The following MRPL39 variants were observed in gnomAD, a reference collection of about 807,000 sequenced individuals.
The protein encoded by MRPL39 is large ribosomal subunit protein mL39.
A neutral mutation model predicts 44.5 loss-of-function variants in MRPL39; 35 were observed. The ratio of observed to expected loss-of-function variants is 0.79; its 90% CI spans 0.60 to 1.04. The LOEUF is 1.04. Ranked by LOEUF, MRPL39 falls within the 50% of genes least tolerant of loss-of-function variation. MRPL39 has a pLI of 0.00. For synonymous variants in MRPL39, 139 were observed against 136.1 expected, an observed-to-expected ratio of 1.02 and a Z score of -0.15; for missense variants, 433 against 413.5, an observed-to-expected ratio of 1.05 and a Z score of -0.41.
At chr21:25,606,686 T>A (rs1179796972) in intron 1 of MRPL39, 31 bp from the exon 2 acceptor site, 21 of 1,548,322 alleles carry the variant, frequency 1.4e-5, no homozygotes, top group Admixed American at 1.8e-5. Context: ...ATATGAAGAC[T>A]GAAAAAATGA....
At chr21:25,592,765 A>C (rs370819440) in intron 8 of MRPL39, 47 bp downstream of exon 8, 22 of 1,421,690 alleles carry the variant, frequency 1.5e-5, no homozygotes, top group Non-Finnish European at 5.7e-6. Context: ...GTCCGGAATT[A>C]TATCTATACC....
At chr21:25,604,078 A>C (rs2031598381) in intron 2 of MRPL39, 143 bp from the exon 3 acceptor site, 1 of 730,176 alleles carries the variant, frequency 1.4e-6, no homozygotes, top group Non-Finnish European at 2.1e-6. Flanking sequence ...TATTACGTCT[A>C]TAATCAATTA....
At chr21:25,604,060 A>G (rs1201152799) in intron 2 of MRPL39, 125 bp from the exon 3 acceptor site, 6 of 904,966 alleles carry the variant, frequency 6.6e-6, no homozygotes, top group Non-Finnish European at 9.9e-6. Context: ...TTTTAGAGAA[A>G]AAAAGTATAT....
intron 8 of MRPL39, among the ~76,000 whole-genome samples, chr21:25,592,078 C>T (rs1441634010): frequency 1.3e-5 from 2 of 152,128 alleles, no homozygotes; most frequent in Admixed American, 6.5e-5. Flanking sequence ...AATTACATAC[C>T]GTTTGATCCC....
intron 3 of MRPL39, among the ~76,000 whole-genome samples, chr21:25,603,331 T>G (rs2031573952): frequency 6.6e-6 from 1 of 152,152 alleles, no homozygotes; most frequent in Admixed American, 6.5e-5. Flanking sequence ...GGTAGGCAAG[T>G]TCTTTAGGTT....
At position 25,597,354 on chromosome 21, in the gene MRPL39, C is replaced by G. The variant is rs372389939; in HGVS notation, c.649G>C (p.Glu217Gln). ...HALIYKDLPF[E>Q]TLEVEAKVAL... is the part of the protein sequence containing the mutation. ...ACTTTTGCTTCAACTTCCAGAGTTT[C>G]AAATGGAAGATCTTTATAAATTAAA... The change falls in exon 6 of 10, where the codon GAA becomes CAA. Residue 217 changes from glutamate (E) to glutamine (Q), a missense_variant. Physicochemically the swap from Glu to Gln is conservative, Grantham distance 29 (BLOSUM62 2). Coordinates refer to ENST00000352957, the MANE Select transcript of MRPL39 (RefSeq NM_017446.4). 1.2e-5 allele frequency: 20 copies of G among 1,603,998 alleles called. No homozygotes were observed. The highest frequency in any genetic ancestry group is 1.7e-5 in the Non-Finnish European group (20 of 1,174,178).
chr21:25,605,560 A>G (rs756401757), intron 2 of MRPL39, among the ~76,000 whole-genome samples: 6 of 152,214 alleles, frequency 3.9e-5, no homozygotes, highest in Admixed American at 6.5e-5. Flanking sequence ...ATCTGAGGCC[A>G]TGGCAATCCC....
chr21:25,591,396 AAG>A (rs1441512868), intron 8 of MRPL39, among the ~76,000 whole-genome samples: 1 of 152,174 alleles, frequency 6.6e-6, no homozygotes, highest in African/African-American at 2.4e-5. Context: ...CAGACAGAAA[AAG>A]AGAGAAATCT....
chr21:25,592,548 T>C (rs1537088), intron 8 of MRPL39, among the ~76,000 whole-genome samples: 15,759 of 152,116 alleles, frequency 0.1, 1,307 homozygotes, highest in African/African-American at 0.22. Flanking sequence ...TAATACCCCC[T>C]CTGTCAATGT....
chr21:25,594,612 A>C (rs528831695), intron 6 of MRPL39, among the ~76,000 whole-genome samples: 2 of 150,506 alleles, frequency 1.3e-5, no homozygotes, highest in East Asian at 3.9e-4. Context: ...ATCTCTGGCC[A>C]CTCCTGTCTT....
intron 9 of MRPL39, among the ~76,000 whole-genome samples, chr21:25,586,224 C>T (rs1341195343): frequency 6.6e-6 from 1 of 152,152 alleles, no homozygotes; most frequent in African/African-American, 2.4e-5. Context: ...CTGAATTCAA[C>T]ACCCCAAAAC....
intron 4 of MRPL39, among the ~76,000 whole-genome samples, chr21:25,600,253 G>A (rs921672105): frequency 3.3e-5 from 5 of 151,736 alleles, no homozygotes; most frequent in Admixed American, 6.6e-5. Flanking sequence ...AAAATTAGCC[G>A]GGCTTGGTGG....
At chr21:25,607,764 C>T (rs1033916987), upstream of MRPL39, among the ~76,000 whole-genome samples, 1 of 152,100 alleles carries the variant, frequency 6.6e-6, no homozygotes, top group African/African-American at 2.4e-5. Context: ...TGCAGGGAAA[C>T]AGAGTTCCAC....
intron 1 of MRPL39, among the ~76,000 whole-genome samples, chr21:25,606,952 C>T (rs563834014): frequency 6.6e-6 from 1 of 152,286 alleles, no homozygotes; most frequent in South Asian, 2.1e-4. Context: ...ACAAAGTGGT[C>T]GGTTTGACAG....
intron 6 of MRPL39, among the ~76,000 whole-genome samples, chr21:25,594,370 G>T (rs890535433): frequency 6.7e-6 from 1 of 150,054 alleles, no homozygotes; most frequent in Non-Finnish European, 1.5e-5. Context: ...TCCTGCCTCA[G>T]CCACCCAAGT....
At chr21:25,600,360 C>T (rs549436104) in intron 4 of MRPL39, among the ~76,000 whole-genome samples, 284 of 140,940 alleles carry the variant, frequency 2.0e-3, no homozygotes, top group African/African-American at 7.1e-3. Flanking sequence ...CGCGCCACTG[C>T]ACTCCAGCCT....
At chr21:25,596,158 G>A (rs917239919) in intron 6 of MRPL39, among the ~76,000 whole-genome samples, 2 of 151,992 alleles carry the variant, frequency 1.3e-5, no homozygotes, top group African/African-American at 2.4e-5. Context: ...GACTGCAGTG[G>A]CGCCACCTAG....
In MRPL39 at chr21:25,606,409, A is replaced by G. The variant is rs375571047; in HGVS notation, c.280+40T>C. The G allele has an allele frequency of 4.9e-4, 734 of 1,503,470 alleles. 3 individuals carry two copies. The highest frequency in any genetic ancestry group is 1.5e-3 in the Admixed American group (74 of 50,008). The allele number at this position is 1,503,470 out of a possible 1,614,324, so 93.1% of individuals were successfully genotyped here. On this transcript the variant is annotated intron_variant, in intron 2 of 9. Coordinates refer to ENST00000352957, the MANE Select transcript of MRPL39 (RefSeq NM_017446.4). ...TGCACCAGTGCTTCCACACAGCTTA[A>G]GTAAAAGGGTCAAAACTGTAACCTG...
Position 25,592,795 on chromosome 21 carries a change from C to A in MRPL39, c.921+17G>T. On this transcript the variant is annotated intron_variant, in intron 8 of 9. Transcript: ENST00000352957. Reference sequence around the variant, plus strand: ...TATACCCAAATTGGAAGACCTAGAACTTTAAGCTTTACTTACTCTTAAGTG... The same window carrying A: ...TATACCCAAATTGGAAGACCTAGAAATTTAAGCTTTACTTACTCTTAAGTG... 1 of 1,570,070 alleles carries A rather than the reference C, an allele frequency of 6.4e-7. No individual in the cohort carries two copies. Among genetic ancestry groups the A allele is most frequent in the Non-Finnish European group, 8.7e-7 (1 of 1,150,782 alleles).
Sources: allele counts gnomAD v4.1 joint callset (sites outside exome capture counted in the v4.1 genomes callset), GRCh38; gene constraint gnomAD v4.1.1; transcripts MANE v1.5; gene names NCBI Gene and HGNC (gene_info 2026-07-23, HGNC 2026-07-21).